Variants in RFX3 observed in about 807,000 individuals in gnomAD.
RFX3 encodes the protein regulatory factor X3, also known as transcription factor RFX3.
A neutral mutation model predicts 98.6 loss-of-function variants in RFX3; 14 were observed. That is an observed-to-expected ratio of 0.14 (90% confidence interval 0.09 to 0.22). The LOEUF is 0.22. Among genes scored for constraint, RFX3 ranks in the 10% least tolerant of loss-of-function variants. The pLI, the probability that RFX3 is intolerant of heterozygous loss-of-function variation, is 1.00. For missense variants in RFX3, 639 were observed against 926.9 expected (o/e 0.69, Z 4.03); for synonymous variants, 383 against 328.4 (o/e 1.17, Z -1.80).
intron 2 of RFX3, among the ~76,000 whole-genome samples, chr9:3,353,231 A>T (rs1835369056): frequency 1.3e-5 from 2 of 151,264 alleles, no homozygotes; most frequent in Admixed American, 1.3e-4. Context: ...TAGCATTAGG[A>T]GATATACCTA....
Position 3,243,358 on chromosome 9 carries a change from T to C in RFX3, c.1968+4674A>G, listed in dbSNP as rs534302275. Among the ~76,000 whole-genome samples, 11 of 151,514 alleles carry C rather than the reference T, an allele frequency of 7.3e-5. No individual in the cohort carries two copies. In the East Asian group the frequency reaches 7.7e-4, roughly 11 times the overall value. ...AAAAAAAAAACTCTAGAATTGCATATGCTTTAAATAATTTACTAGGCAGTA... is the reference window on the plus strand; with the variant it reads ...AAAAAAAAAACTCTAGAATTGCATACGCTTTAAATAATTTACTAGGCAGTA... On this transcript the variant is annotated intron_variant, in intron 15 of 16. Coordinates refer to ENST00000617270, the MANE Select transcript of RFX3 (RefSeq NM_001282116.2).
intron 2 of RFX3, among the ~76,000 whole-genome samples, chr9:3,349,661 T>C (rs746738292): frequency 6.6e-6 from 1 of 152,102 alleles, no homozygotes; most frequent in Non-Finnish European, 1.5e-5. Context: ...TATATCTTTT[T>C]AGACAAACGT....
At chr9:3,493,411 G>A (rs972658886) in intron 1 of RFX3, among the ~76,000 whole-genome samples, 18 of 151,892 alleles carry the variant, frequency 1.2e-4, no homozygotes, top group South Asian at 4.2e-4. Context: ...TGGGCCAGGC[G>A]CGGTGGCTCA....
At chr9:3,324,755 G>A (rs571492555) in intron 4 of RFX3, among the ~76,000 whole-genome samples, 1 of 152,206 alleles carries the variant, frequency 6.6e-6, no homozygotes, top group South Asian at 2.1e-4. Flanking sequence ...CTGAGGTCAG[G>A]AGTTTGAGAC....
At chr9:3,327,987 G>A (rs1291812765) in intron 4 of RFX3, among the ~76,000 whole-genome samples, 2 of 152,130 alleles carry the variant, frequency 1.3e-5, no homozygotes, top group African/African-American at 2.4e-5. Context: ...TTTAGTGAGA[G>A]AGCAAGTAAA....
chr9:3,424,098 G>C (rs150547964), intron 1 of RFX3, among the ~76,000 whole-genome samples: 5,828 of 150,400 alleles, frequency 0.039, 381 homozygotes, highest in African/African-American at 0.13. Flanking sequence ...AGTGAGCTGA[G>C]ATCGCGCCAC....
chr9:3,256,972 G>C lies in RFX3; in HGVS notation c.1814+19C>G, dbSNP rs929260504. On this transcript the variant is annotated intron_variant, in intron 14 of 16. Transcript: ENST00000617270. ...TGCAGAATATGAAGAAGAAAGCCTAGGAAAAACCTAGATGATACCTGTAGA... is the reference window on the plus strand; with the variant it reads ...TGCAGAATATGAAGAAGAAAGCCTACGAAAAACCTAGATGATACCTGTAGA... The C allele has an allele frequency of 5.0e-6, 8 of 1,609,842 alleles. No individual in the cohort carries two copies. In the African/African-American group the frequency reaches 6.7e-5, roughly 13 times the overall value.
At chr9:3,429,054 G>C (rs914717365) in intron 1 of RFX3, among the ~76,000 whole-genome samples, 5 of 142,328 alleles carry the variant, frequency 3.5e-5, no homozygotes, top group Non-Finnish European at 7.5e-5. Flanking sequence ...ACGGAGTCTC[G>C]CTGTGTCTCC....
intron 3 of RFX3, among the ~76,000 whole-genome samples, chr9:3,338,311 T>A (rs939875232): frequency 6.6e-6 from 1 of 152,236 alleles, no homozygotes; most frequent in Non-Finnish European, 1.5e-5. Flanking sequence ...AAAGCATTTA[T>A]TCAGCCATTG....
In RFX3 at chr9:3,378,125, C is replaced by T. The variant is rs77946314; in HGVS notation, c.117+17347G>A. On this transcript the variant is annotated intron_variant, in intron 2 of 16. Transcript: ENST00000617270. Reference sequence around the variant, plus strand: ...TAAGAATTCATCACTGAAAATAATACATACAATAGACATAAATCCATGTGT... The same window carrying T: ...TAAGAATTCATCACTGAAAATAATATATACAATAGACATAAATCCATGTGT... 9.5e-3 allele frequency among the ~76,000 whole-genome samples: 1,440 copies of T among 152,270 alleles called. 24 individuals carry two copies. The highest frequency in any genetic ancestry group is 0.033 in the African/African-American group (1,370 of 41,562).
chr9:3,356,884 C>T (rs1017560794), intron 2 of RFX3, among the ~76,000 whole-genome samples: 1 of 151,436 alleles, frequency 6.6e-6, no homozygotes, highest in African/African-American at 2.4e-5. Context: ...AACATATGAT[C>T]ACCTCAATAA....
At position 3,418,264 on chromosome 9, in the gene RFX3, G is replaced by T. The variant is rs76040797; in HGVS notation, c.-8-22668C>A. Reference sequence around the variant, plus strand: ...CTTACCGCCTTAGAGTGATTATAAAGATTCAACAAGTTACTGCTTTCTGTG... The same window carrying T: ...CTTACCGCCTTAGAGTGATTATAAATATTCAACAAGTTACTGCTTTCTGTG... On this transcript the variant is annotated intron_variant, in intron 1 of 16. Coordinates refer to ENST00000617270, the MANE Select transcript of RFX3 (RefSeq NM_001282116.2). Among the ~76,000 whole-genome samples the T allele has an allele frequency of 9.2e-3, 1,396 of 152,322 alleles. 28 individuals are homozygous for T. The highest frequency in any genetic ancestry group is 0.032 in the African/African-American group (1,339 of 41,576).
intron 8 of RFX3, 87 bp downstream of exon 8, chr9:3,277,253 G>C: frequency 7.3e-7 from 1 of 1,376,210 alleles, no homozygotes; most frequent in Non-Finnish European, 1.0e-6. Context: ...CTATGTCATT[G>C]ACATCTATAA....
rs543150723 is a variant in RFX3, at chr9:3,311,610, C to T, written c.475-9990G>A. ...GTTAGAAATGCTAAACAAGACCGGG[C>T]GTGGTGGCTCTCACCTGTAATCCCA... On this transcript the variant is annotated intron_variant, in intron 4 of 16. Transcript: ENST00000617270. Among the ~76,000 whole-genome samples, 13 of 152,312 alleles carry T rather than the reference C, an allele frequency of 8.5e-5. 1 individual carries two copies. Among genetic ancestry groups the T allele is most frequent in the African/African-American group, 1.2e-4 (5 of 41,566 alleles).
chr9:3,365,081 C>A (rs1458753676), intron 2 of RFX3, among the ~76,000 whole-genome samples: 3 of 152,070 alleles, frequency 2.0e-5, no homozygotes, highest in Non-Finnish European at 4.4e-5. Context: ...ACAGGTGGAT[C>A]ACAAGGTCAG....
intron 2 of RFX3, among the ~76,000 whole-genome samples, chr9:3,378,131 A>G (rs1020264780): frequency 3.3e-5 from 5 of 152,236 alleles, no homozygotes; most frequent in African/African-American, 1.2e-4. Flanking sequence ...AATACATACA[A>G]TAGACATAAA....
At chr9:3,336,805 AAG>A (rs1235035072) in intron 3 of RFX3, among the ~76,000 whole-genome samples, 1 of 152,198 alleles carries the variant, frequency 6.6e-6, no homozygotes, top group East Asian at 1.9e-4. Context: ...GCATTTAAAA[AAG>A]AGACTAGACT....
intron 1 of RFX3, among the ~76,000 whole-genome samples, chr9:3,460,607 A>T (rs1275451279): frequency 6.6e-6 from 1 of 151,894 alleles, no homozygotes; most frequent in Non-Finnish European, 1.5e-5. Flanking sequence ...TCATTGTAAA[A>T]CCTTATTCAT....
chr9:3,336,308 C>A (rs1833170091), intron 3 of RFX3, among the ~76,000 whole-genome samples: 2 of 151,896 alleles, frequency 1.3e-5, no homozygotes, highest in African/African-American at 4.8e-5. Flanking sequence ...CAGACATGAC[C>A]TCTACTATTA....
Sources: allele counts gnomAD v4.1 joint callset (sites outside exome capture counted in the v4.1 genomes callset), GRCh38; gene constraint gnomAD v4.1.1; transcripts MANE v1.5; gene names NCBI Gene and HGNC (gene_info 2026-07-23, HGNC 2026-07-21).